CNNM1: variants seen among roughly 807,000 people sequenced by gnomAD.
The protein encoded by CNNM1 is metal transporter CNNM1.
Under a neutral mutation model 78.8 loss-of-function variants are expected in CNNM1, and 44 were observed. That is an observed-to-expected ratio of 0.56 (90% CI 0.44 to 0.72). CNNM1 has a LOEUF of 0.72. Ranked by LOEUF, CNNM1 falls within the 30% of genes least tolerant of loss-of-function variation. CNNM1 has a pLI of 0.00. For synonymous variants in CNNM1, 584 were observed against 581.5 expected (o/e 1.00, Z -0.06); for missense variants, 1,101 against 1,292.2 (o/e 0.85, Z 2.27).
intron 4 of CNNM1, 113 bp from the exon 5 acceptor site, chr10:99,364,304 A>G (rs2031536834): frequency 1.4e-6 from 1 of 707,428 alleles, no homozygotes; most frequent in South Asian, 1.9e-5. Context: ...TGTGATAAGA[A>G]CATGGGTCTA....
chr10:99,336,141 A>G (rs984291962), intron 1 of CNNM1, among the ~76,000 whole-genome samples: 4 of 152,220 alleles, frequency 2.6e-5, no homozygotes, highest in African/African-American at 7.2e-5. Context: ...GATGGACTGC[A>G]TGTATGATGG....
Position 99,330,573 on chromosome 10 carries a change from AAGT to A in CNNM1, c.1187_1189del (p.Lys396_Leu397delinsMet). ...GATAAGCACCTTCTACACGCGGGAG[AAGT>A]TGCTGGAGACGTTGCGGGCCGCAGA... On this transcript the variant is annotated inframe_deletion, in exon 1 of 11. Transcript: ENST00000356713. 2 of 1,609,398 alleles carry A rather than the reference AAGT, an allele frequency of 1.2e-6. No homozygotes were observed. Among genetic ancestry groups the A allele is most frequent in the Non-Finnish European group, 1.7e-6 (2 of 1,178,002 alleles).
chr10:99,386,065 A>T (rs2032294533), intron 7 of CNNM1, among the ~76,000 whole-genome samples: 1 of 152,226 alleles, frequency 6.6e-6, no homozygotes, highest in African/African-American at 2.4e-5. Flanking sequence ...CAACAAGAAC[A>T]TTGAATCGAT....
intron 6 of CNNM1, chr10:99,368,742 G>T (rs2031709311): frequency 8.4e-7 from 1 of 1,184,994 alleles, no homozygotes; most frequent in Non-Finnish European, 1.1e-6. Flanking sequence ...GAAGCCTTTG[G>T]CCTCTGTCAC....
rs189405976 is a variant in CNNM1, at chr10:99,383,515, G to A, written c.2341-4305G>A. Among the ~76,000 whole-genome samples the A allele has an allele frequency of 1.8e-4, 27 of 152,188 alleles. No homozygotes were observed. The East Asian group carries it at 4.4e-3, about 25-fold the overall frequency. ...TCTCGAACTCCTGACCTTGTGATCC[G>A]CCCGCCTCGGCCTCCCAAAGTGCTG... On this transcript the variant is annotated intron_variant, in intron 7 of 10. Transcript: ENST00000356713.
At chr10:99,345,273 G>A (rs2030643824) in intron 1 of CNNM1, among the ~76,000 whole-genome samples, 1 of 152,212 alleles carries the variant, frequency 6.6e-6, no homozygotes, top group African/African-American at 2.4e-5. Context: ...TGGAGTCTCA[G>A]GATTCAGCTT....
At position 99,329,965 on chromosome 10, in the gene CNNM1, C is replaced by G. The variant is rs1205040340; in HGVS notation, c.578C>G (p.Ala193Gly). The change falls in exon 1 of 11, where the codon GCG becomes GGG. Residue 193 changes from alanine to glycine, a missense_variant. This residue lies in a region of CNNM1 where 476 missense variants were observed against 484.5 expected (regional missense o/e 0.98). Transcript: ENST00000356713. The stretch of plus-strand genomic sequence containing the variant: ...TCACTCTGCGCCTGGGATGGGCGCG[C>G]GTGGCACCACCACGGCGCCGCCGGC... ...LFSLCAWDGRAWHHHGAAGGF... is the reference protein window; with the variant it reads ...LFSLCAWDGRGWHHHGAAGGF... 1.4e-6 allele frequency: 2 copies of G among 1,385,292 alleles called. No homozygotes were observed. The highest frequency in any genetic ancestry group is 1.9e-6 in the Non-Finnish European group (2 of 1,080,866). The allele number at this position is 1,385,292 out of a possible 1,614,324, so 85.8% of individuals were successfully genotyped here. A position where few individuals can be genotyped will look rare whatever the true frequency, so the allele number is the denominator to read the frequency against.
Position 99,391,585 on chromosome 10 carries a change from C to CA in CNNM1, c.*70dup. 1 of 1,339,814 alleles carries CA rather than the reference C, an allele frequency of 7.5e-7. No homozygotes were observed. The highest frequency in any genetic ancestry group is 1.4e-5 in the African/African-American group (1 of 69,312). 83.0% of individuals were successfully genotyped at this position (1,339,814 alleles called of 1,614,324 possible). ...TTTGGGGGAGAATCCACCCTCCCAT[C>CA]ATCTGCTTCCCCCAAGGCCTCCCAC... On this transcript the variant is annotated 3_prime_UTR_variant, in exon 11 of 11. Coordinates refer to ENST00000356713, the MANE Select transcript of CNNM1 (RefSeq NM_020348.3).
chr10:99,347,181 ATAAAAGT>A (rs1185898068), intron 1 of CNNM1, among the ~76,000 whole-genome samples: 2 of 147,690 alleles, frequency 1.4e-5, no homozygotes, highest in Non-Finnish European at 3.0e-5. Context: ...CGAACCTAAA[ATAAAAGT>A]TAAAAGAAAA....
chr10:99,356,518 AAG>A (rs1564946942), intron 1 of CNNM1, among the ~76,000 whole-genome samples: 8 of 126,976 alleles, frequency 6.3e-5, no homozygotes, highest in African/African-American at 2.2e-4. Flanking sequence ...GAGAAAGAGA[AAG>A]AGAGAAAGAA....
chr10:99,332,145 G>C (rs1217172343), intron 1 of CNNM1, among the ~76,000 whole-genome samples: 1 of 152,096 alleles, frequency 6.6e-6, no homozygotes, highest in Non-Finnish European at 1.5e-5. Flanking sequence ...CTACTTTCAA[G>C]AGTCAACACT....
chr10:99,348,331 C>T (rs945289078), intron 1 of CNNM1, among the ~76,000 whole-genome samples: 2 of 152,198 alleles, frequency 1.3e-5, no homozygotes, highest in Admixed American at 1.3e-4. Flanking sequence ...TGGGCTTAAG[C>T]CACGGCGCCC....
intron 6 of CNNM1, among the ~76,000 whole-genome samples, chr10:99,374,161 A>G (rs558219458): frequency 1.4e-4 from 21 of 152,374 alleles, no homozygotes; most frequent in Admixed American, 1.4e-3. Context: ...AATGAGGCCC[A>G]GAAGTGAAAT....
intron 1 of CNNM1, among the ~76,000 whole-genome samples, chr10:99,338,586 G>A (rs972185310): frequency 4.0e-5 from 6 of 151,828 alleles, no homozygotes; most frequent in African/African-American, 7.3e-5. Context: ...GTCATATTTT[G>A]CTTTTATAAA....
At chr10:99,353,577 G>A (rs2031023870) in intron 1 of CNNM1, among the ~76,000 whole-genome samples, 2 of 152,180 alleles carry the variant, frequency 1.3e-5, no homozygotes, top group Admixed American at 1.3e-4. Context: ...GAGTAAGGGA[G>A]GTGCAGGCAT....
intron 6 of CNNM1, among the ~76,000 whole-genome samples, chr10:99,369,564 C>A (rs1399031802): frequency 6.6e-6 from 1 of 152,168 alleles, no homozygotes; most frequent in African/African-American, 2.4e-5. Context: ...TCAAACCCTC[C>A]AATTTGCAAC....
Position 99,394,262 on chromosome 10 carries a change from TAAAG to T in CNNM1, c.*2747_*2750del, listed in dbSNP as rs1310566200. The T allele has an allele frequency of 1.3e-5, 2 of 152,390 alleles. No individual in the cohort carries two copies. Among genetic ancestry groups the T allele is most frequent in the African/African-American group, 2.4e-5 (1 of 41,458 alleles). The allele number at this position is 152,390 out of a possible 1,614,324, so 9.4% of individuals were successfully genotyped here. ...AAAGTTTAAAAAAAAGATTTTAAAA[TAAAG>T]CATTTATGAAGGCTTAATAAATTGT... is the stretch of plus-strand genomic sequence containing the variant. On this transcript the variant is annotated 3_prime_UTR_variant, in exon 11 of 11. Coordinates refer to ENST00000356713, the MANE Select transcript of CNNM1 (RefSeq NM_020348.3).
At chr10:99,349,017 C>A (rs907271640) in intron 1 of CNNM1, among the ~76,000 whole-genome samples, 1 of 152,168 alleles carries the variant, frequency 6.6e-6, no homozygotes, top group African/African-American at 2.4e-5. Context: ...TTGCAGTGAG[C>A]TGAGATTGCA....
intron 4 of CNNM1, 116 bp downstream of exon 4, chr10:99,362,512 C>CA (rs2031474101): frequency 8.7e-6 from 9 of 1,032,606 alleles, no homozygotes; most frequent in Non-Finnish European, 1.1e-5. Flanking sequence ...GCCTCAGCAA[C>CA]AAGGCCAGCT....
Sources: gnomAD v4.1 joint callset for allele counts (sites outside exome capture counted in the v4.1 genomes callset) on GRCh38, gnomAD v4.1.1 for gene constraint, gnomAD v4.1.1 regional missense constraint, MANE v1.5 for transcripts, NCBI Gene and HGNC (gene_info 2026-07-23, HGNC 2026-07-21) for gene names.